Variants in UTP15 observed in about 807,000 individuals in gnomAD.
The protein encoded by UTP15 is UTP15 small subunit processome component.
In UTP15, 5 loss-of-function variants were observed where a neutral mutation model predicts 59.1. The ratio of observed to expected loss-of-function variants is 0.08; its 90% CI spans 0.04 to 0.18. UTP15 has a LOEUF of 0.18. UTP15 is among the 10% of genes least tolerant of loss of function. The pLI is 1.00. For synonymous variants in UTP15, 211 were observed against 212.2 expected, an observed-to-expected ratio of 0.99 and a Z score of 0.05; for missense variants, 494 against 616.7, an observed-to-expected ratio of 0.80 and a Z score of 2.11.
intron 8 of UTP15, 148 bp downstream of exon 8, chr5:73,577,184 C>T: frequency 7.3e-6 from 5 of 684,618 alleles, no homozygotes; most frequent in Non-Finnish European, 1.0e-5. Flanking sequence ...GAATATGTAA[C>T]TCGTCCTATT....
At chr5:73,577,829 C>G (rs370707701) in intron 8 of UTP15, 27 bp from the exon 9 acceptor site, 2 of 1,562,456 alleles carry the variant, frequency 1.3e-6, no homozygotes, top group Non-Finnish European at 1.7e-6. Context: ...TAAGAATAGA[C>G]TAACTTATTT....
intron 6 of UTP15, among the ~76,000 whole-genome samples, chr5:73,572,045 T>C (rs750307258): frequency 6.6e-6 from 1 of 152,132 alleles, no homozygotes; most frequent in Admixed American, 6.5e-5. Flanking sequence ...GAACTGTGAG[T>C]TGGGTTCCAA....
intron 9 of UTP15, chr5:73,578,361 G>T: frequency 3.5e-6 from 1 of 289,148 alleles, no homozygotes; most frequent in Non-Finnish European, 6.5e-6. Context: ...GATTGATTCA[G>T]GATTTCATTA....
chr5:73,568,846 C>T (rs902432420), intron 4 of UTP15, among the ~76,000 whole-genome samples: 4 of 151,708 alleles, frequency 2.6e-5, no homozygotes, highest in Non-Finnish European at 4.4e-5. Context: ...TAGGGAGCTA[C>T]TCTGTAGCTT....
At chr5:73,568,986 T>C (rs1321048280) in intron 4 of UTP15, among the ~76,000 whole-genome samples, 1 of 152,148 alleles carries the variant, frequency 6.6e-6, no homozygotes, top group Non-Finnish European at 1.5e-5. Context: ...TGAAGTCAAG[T>C]AGGAAGGTGG....
chr5:73,579,908 T>A lies in UTP15; in HGVS notation c.1371T>A (p.Pro457=), dbSNP rs1047760169. The A allele has an allele frequency of 1.9e-6, 3 of 1,613,094 alleles. No homozygotes were observed. The African/African-American group carries it at 4.0e-5, about 22-fold the overall frequency. ...ATCTGCCTGTAATTGGTCAGTCCCC[T>A]GTAGTTGATAAAAAGTTTTTACTAC... The part of the protein sequence containing the change: ...DIYLPVIGQS[P]VVDKKFLLLQ... Residue 457 remains proline, a synonymous_variant, in exon 13 of 13, where the codon CCT becomes CCA. Transcript: ENST00000296792.
At chr5:73,566,051 A>G (rs140533889) in intron 1 of UTP15, 139 bp downstream of exon 1, 47 of 350,812 alleles carry the variant, frequency 1.3e-4, no homozygotes, top group African/African-American at 7.1e-4. Context: ...GTTCCCCTCA[A>G]TTAAGCTTCG....
intron 8 of UTP15, among the ~76,000 whole-genome samples, 163 bp downstream of exon 8, chr5:73,577,199 C>G (rs1199538925): frequency 1.3e-5 from 2 of 152,178 alleles, no homozygotes; most frequent in Admixed American, 1.3e-4. Context: ...CCTATTGACT[C>G]AGCATGAATT....
In UTP15 at chr5:73,579,129, A is replaced by G. The variant is rs1378224607; in HGVS notation, c.1259A>G (p.His420Arg). ...GGTCGGGATGAGAAGGAAATCAGTC[A>G]TGTTCTTAATTTTTTGATAAGGTAT... ...LAGRDEKEIS[H>R]VLNFLIRNLS... is the part of the protein sequence containing the mutation. The change falls in exon 11 of 13, where the codon CAT becomes CGT. Residue 420 changes from histidine (H) to arginine (R), a missense_variant. By Grantham distance (29) the His-to-Arg change is conservative. Coordinates refer to ENST00000296792, the MANE Select transcript of UTP15 (RefSeq NM_032175.4). 6 of 1,613,938 alleles carry G rather than the reference A, an allele frequency of 3.7e-6. No homozygotes were observed. In the South Asian group the frequency reaches 6.6e-5, roughly 18 times the overall value.
chr5:73,569,415 G>C, intron 4 of UTP15, 82 bp from the exon 5 acceptor site: 1 of 1,109,388 alleles, frequency 9.0e-7, no homozygotes, highest in Non-Finnish European at 1.2e-6. Flanking sequence ...TTTTTAATCT[G>C]AGAAAAAGGA....
At chr5:73,574,968 C>T (rs1278401960) in intron 7 of UTP15, among the ~76,000 whole-genome samples, 2 of 152,208 alleles carry the variant, frequency 1.3e-5, no homozygotes, top group African/African-American at 4.8e-5. Context: ...AACCTACACA[C>T]ATCCACTGTA....
intron 8 of UTP15, 102 bp from the exon 9 acceptor site, chr5:73,577,753 AT>A: frequency 1.0e-6 from 1 of 952,682 alleles, no homozygotes; most frequent in Non-Finnish European, 1.5e-6. Context: ...CTGTTGGTGA[AT>A]GTATGGACAA....
intron 7 of UTP15, among the ~76,000 whole-genome samples, chr5:73,575,798 C>T (rs761847158): frequency 6.6e-6 from 1 of 151,854 alleles, no homozygotes; most frequent in East Asian, 1.9e-4. Flanking sequence ...TCTCGGCTCA[C>T]CGCACCTTCT....
rs1268643419 is a variant in UTP15, at chr5:73,565,800, C to T, written c.-196C>T. ...GTGTGTCGCCGGCTCCTTGAGGGTCCATGTGATTTTTACGCCAGTGCTGCT... is the reference window on the plus strand; with the variant it reads ...GTGTGTCGCCGGCTCCTTGAGGGTCTATGTGATTTTTACGCCAGTGCTGCT... On this transcript the variant is annotated 5_prime_UTR_variant, in exon 1 of 13. Coordinates refer to ENST00000296792, the MANE Select transcript of UTP15 (RefSeq NM_032175.4). 3 of 456,174 alleles carry T rather than the reference C, an allele frequency of 6.6e-6. No individual in the cohort carries two copies. The highest frequency in any genetic ancestry group is 8.8e-6 in the Non-Finnish European group (2 of 226,974). The allele number at this position is 456,174 out of a possible 1,614,324, so 28.3% of individuals were successfully genotyped here. A position where few individuals can be genotyped will look rare whatever the true frequency, so the allele number is the denominator to read the frequency against.
At chr5:73,574,185 A>G (rs1180626673) in intron 7 of UTP15, among the ~76,000 whole-genome samples, 1 of 151,926 alleles carries the variant, frequency 6.6e-6, no homozygotes, top group Non-Finnish European at 1.5e-5. Flanking sequence ...TTAGCTGGCC[A>G]CAGTGGTACA....
In UTP15 at chr5:73,582,908, A is replaced by G. The variant is rs1748366862; in HGVS notation, c.*2814A>G. 1 of 152,198 alleles carries G rather than the reference A, an allele frequency of 6.6e-6. No individual in the cohort carries two copies. Among genetic ancestry groups the G allele is most frequent in the South Asian group, 2.1e-4 (1 of 4,834 alleles). 9.4% of individuals were successfully genotyped at this position (152,198 alleles called of 1,614,324 possible). A position where few individuals can be genotyped will look rare whatever the true frequency, so the allele number is the denominator to read the frequency against. On this transcript the variant is annotated 3_prime_UTR_variant, in exon 13 of 13. Transcript: ENST00000296792. ...TTCAGAGAACTTGGAAAGTCACCGT[A>G]TGTTTAATTTATTATGTTTATGAGA...
chr5:73,578,377 A>G, intron 9 of UTP15: 1 of 289,600 alleles, frequency 3.5e-6, no homozygotes. Flanking sequence ...CATTACTGGT[A>G]TCCAGAGTTG....
intron 7 of UTP15, 41 bp from the exon 8 acceptor site, chr5:73,576,911 T>C: frequency 1.4e-6 from 2 of 1,429,592 alleles, no homozygotes; most frequent in Non-Finnish European, 1.9e-6. Flanking sequence ...TTTATACTCG[T>C]TTTCAAGGTG....
chr5:73,580,586 G>GA lies in UTP15; in HGVS notation c.*492_*493insA. On this transcript the variant is annotated 3_prime_UTR_variant, in exon 13 of 13. Coordinates refer to ENST00000296792, the MANE Select transcript of UTP15 (RefSeq NM_032175.4). ...TAGGCCCTTGCTTAGCTTGCTTCCT[G>GA]TCTCCTTGATATCTACACTTGTCTT... The GA allele has an allele frequency of 3.3e-5, 5 of 151,772 alleles. No homozygotes were observed. The highest frequency in any genetic ancestry group is 2.1e-4 in the South Asian group (1 of 4,790). The allele number at this position is 151,772 out of a possible 1,614,324, so 9.4% of individuals were successfully genotyped here.
Sources: allele counts gnomAD v4.1 joint callset (sites outside exome capture counted in the v4.1 genomes callset), GRCh38; gene constraint gnomAD v4.1.1; transcripts MANE v1.5; gene names NCBI Gene and HGNC (gene_info 2026-07-23, HGNC 2026-07-21).